Variants in PPP2R5D observed in about 807,000 individuals in gnomAD.
PPP2R5D encodes the protein protein phosphatase 2 regulatory subunit B'delta, also known as serine/threonine-protein phosphatase 2A 56 kDa regulatory subunit delta isoform.
PPP2R5D carries 12 observed loss-of-function variants against 79.1 expected under a neutral mutation model. The observed-to-expected ratio is 0.15, with a 90% CI of 0.10 to 0.25. PPP2R5D has a LOEUF of 0.25. Ranked by LOEUF, PPP2R5D falls within the 10% of genes least tolerant of loss-of-function variation. PPP2R5D has a pLI of 1.00. For missense variants in PPP2R5D, 419 were observed against 760.2 expected (o/e 0.55, Z 5.28); for synonymous variants, 277 against 286.6 (o/e 0.97, Z 0.34).
At chr6:42,989,373 T>G (rs1033135899) in intron 1 of PPP2R5D, among the ~76,000 whole-genome samples, 1 of 152,154 alleles carries the variant, frequency 6.6e-6, no homozygotes, top group Admixed American at 6.6e-5. Context: ...GATGGAGCAT[T>G]CTCACGCTGA....
rs1186849559 is a variant in PPP2R5D at position 42,984,613 on chromosome 6, G to A, written c.-65G>A. On this transcript the variant is annotated 5_prime_UTR_variant, in exon 1 of 16. Coordinates refer to ENST00000485511, the MANE Select transcript of PPP2R5D (RefSeq NM_006245.4). Reference sequence around the variant, plus strand: ...CGAAGAGACGCCGAGCGGGCCGAGTGCGGCCGAGCAAAGCCGGAGCCGGAG... The same window carrying A: ...CGAAGAGACGCCGAGCGGGCCGAGTACGGCCGAGCAAAGCCGGAGCCGGAG... 2 of 1,547,922 alleles carry A rather than the reference G, an allele frequency of 1.3e-6. No homozygotes were observed. The highest frequency in any genetic ancestry group is 1.7e-6 in the Non-Finnish European group (2 of 1,147,760).
rs2150245527 is a variant in PPP2R5D, at chr6:42,984,683, C to T, written c.6C>T (p.Pro2=). ...CCGGGTCCGGACGGGCCGAGATGCC[C>T]TATAAACTGAAAAAGGAGAAGGTGA... is the stretch of plus-strand genomic sequence containing the variant. M[P]YKLKKEKEPP... Residue 2 remains proline (P), a synonymous_variant, in exon 1 of 16, where the codon CCC becomes CCT. Coordinates refer to ENST00000485511, the MANE Select transcript of PPP2R5D (RefSeq NM_006245.4). 1 of 1,611,226 alleles carries T rather than the reference C, an allele frequency of 6.2e-7. No homozygotes were observed. The highest frequency in any genetic ancestry group is 8.5e-7 in the Non-Finnish European group (1 of 1,178,898).
intron 2 of PPP2R5D, among the ~76,000 whole-genome samples, chr6:43,004,578 T>G (rs1761959134): frequency 6.6e-6 from 1 of 150,460 alleles, no homozygotes; most frequent in Admixed American, 6.6e-5. Context: ...ACTTTTTTTT[T>G]TTTTTTTTTG....
chr6:42,997,570 C>T (rs1561843228), intron 2 of PPP2R5D, among the ~76,000 whole-genome samples: 4 of 151,754 alleles, frequency 2.6e-5, no homozygotes, highest in South Asian at 2.1e-4. Flanking sequence ...AGTACAATGG[C>T]GCGATCTCAG....
In PPP2R5D at chr6:43,002,195, G is replaced by C. The variant is rs1023714085; in HGVS notation, c.106-4268G>C. Among the ~76,000 whole-genome samples the C allele has an allele frequency of 6.7e-5, 10 of 148,410 alleles. No homozygotes were observed. In the Admixed American group the frequency reaches 6.8e-4, roughly 10 times the overall value. ...TTTTTTTTTTTTGATTCGGAGTCTC[G>C]CCCTATCACCCAGGCTGGGGTGCAA... On this transcript the variant is annotated intron_variant, in intron 2 of 15. Coordinates refer to ENST00000485511, the MANE Select transcript of PPP2R5D (RefSeq NM_006245.4).
intron 2 of PPP2R5D, among the ~76,000 whole-genome samples, chr6:43,001,622 C>A (rs1040253924): frequency 8.5e-5 from 13 of 152,144 alleles, no homozygotes; most frequent in African/African-American, 3.1e-4. Context: ...CGGTGGCTCA[C>A]ACCTGTAATC....
At chr6:42,993,547 C>T (rs147672491) in intron 2 of PPP2R5D, among the ~76,000 whole-genome samples, 24 of 152,306 alleles carry the variant, frequency 1.6e-4, no homozygotes, top group Middle Eastern at 6.8e-3. Flanking sequence ...AAATTAGTGT[C>T]GGCAGGGCCA....
intron 2 of PPP2R5D, among the ~76,000 whole-genome samples, chr6:43,003,055 C>T (rs138473530): frequency 2.2e-3 from 341 of 152,316 alleles, no homozygotes; most frequent in Non-Finnish European, 3.5e-3. Flanking sequence ...CCTGCAAATA[C>T]CTGTATTTAG....
intron 2 of PPP2R5D, among the ~76,000 whole-genome samples, chr6:42,999,410 C>G (rs979596031): frequency 6.6e-6 from 1 of 152,124 alleles, no homozygotes. Context: ...AGCCAATGGT[C>G]CTTATAAACC....
At chr6:43,003,151 G>C (rs144034982) in intron 2 of PPP2R5D, among the ~76,000 whole-genome samples, 2 of 152,154 alleles carry the variant, frequency 1.3e-5, no homozygotes, top group African/African-American at 2.4e-5. Context: ...GGCTGGGCAC[G>C]GTGGCTCACA....
At position 43,006,815 on chromosome 6, in the gene PPP2R5D, T is replaced by C. The variant is rs1378856366; in HGVS notation, c.323-96T>C. ...GGGAAGGGGGTGCCAGGGAGCAGGA[T>C]GGTGGCAGGGTGGGGTAAGGGAAAG... On this transcript the variant is annotated intron_variant, in intron 3 of 15. Transcript: ENST00000485511. This position sits in a 1 kb window ranked among gnomAD's most constrained non-coding sequence, Gnocchi z 4.7. 4.4e-6 allele frequency: 7 copies of C among 1,575,584 alleles called. No homozygotes were observed. In the East Asian group the frequency reaches 1.6e-4, roughly 35 times the overall value.
chr6:43,001,949 A>G (rs1250361929), intron 2 of PPP2R5D, among the ~76,000 whole-genome samples: 1 of 149,878 alleles, frequency 6.7e-6, no homozygotes, highest in Admixed American at 6.7e-5. Flanking sequence ...AAAAAAAAAA[A>G]TGCTTCTTTA....
chr6:43,008,336 C>T lies in PPP2R5D; in HGVS notation c.918-31C>T. 1 of 1,613,254 alleles carries T rather than the reference C, an allele frequency of 6.2e-7. No homozygotes were observed. ...GTGTACTGAACTTGGATCTGACCCTCTGGTCCTAACAAATGTCCCTTAATT... is the reference window on the plus strand; with the variant it reads ...GTGTACTGAACTTGGATCTGACCCTTTGGTCCTAACAAATGTCCCTTAATT... On this transcript the variant is annotated intron_variant, in intron 8 of 15. Transcript: ENST00000485511. This position sits in a 1 kb window ranked among gnomAD's most constrained non-coding sequence, Gnocchi z 4.2.
chr6:43,003,515 GAAGT>G (rs959745998), intron 2 of PPP2R5D, among the ~76,000 whole-genome samples: 1 of 152,072 alleles, frequency 6.6e-6, no homozygotes, highest in Non-Finnish European at 1.5e-5. Flanking sequence ...CTACACAATG[GAAGT>G]AAGGCAGAAA....
rs1462980963 is a variant in PPP2R5D, at chr6:42,984,661, G to A, written c.-17G>A. The A allele has an allele frequency of 5.6e-6, 9 of 1,601,148 alleles. No individual in the cohort carries two copies. The highest frequency in any genetic ancestry group is 7.7e-6 in the Non-Finnish European group (9 of 1,174,926). The stretch of plus-strand genomic sequence containing the variant: ...GAGCGGGGCCGCAGGAGACGGGCCG[G>A]GTCCGGACGGGCCGAGATGCCCTAT... On this transcript the variant is annotated 5_prime_UTR_variant, in exon 1 of 16. Coordinates refer to ENST00000485511, the MANE Select transcript of PPP2R5D (RefSeq NM_006245.4).
chr6:42,998,013 ATTTATATATATATATATAT>A (rs1375606845), intron 2 of PPP2R5D, among the ~76,000 whole-genome samples: 714 of 38,402 alleles, frequency 0.019, 45 homozygotes, highest in East Asian at 0.064. Flanking sequence ...TTTGGGTTTT[ATTTATATATATATATATAT>A]ATATATATAT....
chr6:43,012,043 G>T lies in PPP2R5D; in HGVS notation c.*757G>T. ...GGGCTGACTGCTTTTCTGTGCTGTTGGTTCCCAAAACTAGAAAGAAGGAAG... is the reference window on the plus strand; with the variant it reads ...GGGCTGACTGCTTTTCTGTGCTGTTTGTTCCCAAAACTAGAAAGAAGGAAG... On this transcript the variant is annotated 3_prime_UTR_variant, in exon 16 of 16. Coordinates refer to ENST00000485511, the MANE Select transcript of PPP2R5D (RefSeq NM_006245.4). The T allele has an allele frequency of 3.7e-6, 1 of 273,652 alleles. No homozygotes were observed. Among genetic ancestry groups the T allele is most frequent in the Non-Finnish European group, 5.6e-6 (1 of 178,038 alleles). 17.0% of individuals were successfully genotyped at this position (273,652 alleles called of 1,614,324 possible).
intron 2 of PPP2R5D, among the ~76,000 whole-genome samples, chr6:42,997,733 A>G (rs1771805216): frequency 1.3e-5 from 2 of 150,872 alleles, no homozygotes; most frequent in South Asian, 4.2e-4. Context: ...TTTAGTAGAG[A>G]CAGGGTTTCA....
In PPP2R5D at chr6:43,008,528, C is replaced by A; in HGVS notation, c.1026+53C>A. On this transcript the variant is annotated intron_variant, in intron 9 of 15. Transcript: ENST00000485511. This position sits in a 1 kb window ranked among gnomAD's most constrained non-coding sequence, Gnocchi z 4.2. ...CAACTCAGGCAGCAGAGAAAAGAGC[C>A]GGCAGGAAAGTGTTCCAGCTGGGAT... 3.2e-6 allele frequency: 5 copies of A among 1,545,234 alleles called. No homozygotes were observed. The highest frequency in any genetic ancestry group is 4.5e-6 in the Non-Finnish European group (5 of 1,118,246).
Sources: gnomAD v4.1 joint callset for allele counts (sites outside exome capture counted in the v4.1 genomes callset) on GRCh38, gnomAD v4.1.1 for gene constraint, Gnocchi (gnomAD v3.1) non-coding constraint, MANE v1.5 for transcripts, NCBI Gene and HGNC (gene_info 2026-07-23, HGNC 2026-07-21) for gene names.